The following SLC16A7 variants were observed in gnomAD, a reference collection of about 807,000 sequenced individuals.
SLC16A7 encodes the protein monocarboxylate transporter 2.
Under a neutral mutation model 34.9 loss-of-function variants are expected in SLC16A7, and 33 were observed. The observed-to-expected ratio is 0.94, with a 90% CI of 0.72 to 1.26. The LOEUF is 1.26. Among genes scored for constraint, SLC16A7 ranks in the 50% most tolerant of loss-of-function variants. The probability of loss-of-function intolerance (pLI) is 0.00; values close to 1 mark genes in which losing one functional copy is unlikely to be tolerated. For synonymous variants in SLC16A7, 201 were observed against 206.6 expected (o/e 0.97, Z 0.23); for missense variants, 573 against 578.1 (o/e 0.99, Z 0.09).
chr12:59,597,961 T>C (rs1878502995), intron 1 of SLC16A7, among the ~76,000 whole-genome samples: 1 of 152,248 alleles, frequency 6.6e-6, no homozygotes, highest in African/African-American at 2.4e-5. Flanking sequence ...AAATGCTCAG[T>C]TTATTTCTAG....
intron 2 of SLC16A7, among the ~76,000 whole-genome samples, chr12:59,697,712 G>A (rs141310971): frequency 1.3e-5 from 2 of 149,222 alleles, no homozygotes; most frequent in African/African-American, 4.9e-5. Flanking sequence ...AGAAAAGACT[G>A]TTAAAAAAAA....
intron 5 of SLC16A7, 149 bp from the exon 6 acceptor site, chr12:59,779,274 A>G (rs1883048992): frequency 1.7e-6 from 1 of 584,182 alleles, no homozygotes; most frequent in Non-Finnish European, 2.9e-6. Context: ...CATATGTAGA[A>G]GTCATAATCT....
chr12:59,638,701 CTACAAT>C (rs1202413024), intron 1 of SLC16A7, among the ~76,000 whole-genome samples: 1 of 151,924 alleles, frequency 6.6e-6, no homozygotes, highest in Non-Finnish European at 1.5e-5. Flanking sequence ...CTGTTTTGGC[CTACAAT>C]TAACACAGGA....
intron 2 of SLC16A7, among the ~76,000 whole-genome samples, chr12:59,695,841 T>C (rs1872221696): frequency 6.6e-6 from 1 of 152,072 alleles, no homozygotes; most frequent in African/African-American, 2.4e-5. Flanking sequence ...ATTGGATGGA[T>C]TAGAGATTTA....
At chr12:59,733,777 A>G (rs1272447961) in intron 3 of SLC16A7, 3 of 455,924 alleles carry the variant, frequency 6.6e-6, no homozygotes, top group East Asian at 1.4e-4. Flanking sequence ...CCGGAGAGCG[A>G]GCAAGGCAGA....
intron 3 of SLC16A7, among the ~76,000 whole-genome samples, chr12:59,713,826 C>G (rs969456864): frequency 6.6e-6 from 1 of 152,166 alleles, no homozygotes; most frequent in Non-Finnish European, 1.5e-5. Context: ...TTCACTCATT[C>G]ATTTATTCCA....
intron 3 of SLC16A7, among the ~76,000 whole-genome samples, chr12:59,728,491 T>C (rs1161818491): frequency 2.0e-5 from 3 of 152,148 alleles, no homozygotes; most frequent in African/African-American, 7.2e-5. Flanking sequence ...CTAACAAAAA[T>C]AGTATTGGAG....
intron 3 of SLC16A7, among the ~76,000 whole-genome samples, chr12:59,729,790 C>T (rs74094089): frequency 0.018 from 2,688 of 152,206 alleles, 64 homozygotes; most frequent in African/African-American, 0.06. Flanking sequence ...TGTGGAATGA[C>T]GAGTTCAGGA....
chr12:59,751,208 T>G (rs1258144073), intron 3 of SLC16A7, among the ~76,000 whole-genome samples: 1 of 152,160 alleles, frequency 6.6e-6, no homozygotes, highest in Non-Finnish European at 1.5e-5. Flanking sequence ...CATTTCCATC[T>G]GAGGTACTGG....
chr12:59,695,511 T>G (rs923447190), intron 2 of SLC16A7, among the ~76,000 whole-genome samples: 2 of 152,016 alleles, frequency 1.3e-5, no homozygotes, highest in Admixed American at 6.6e-5. Context: ...TCCTTATGAA[T>G]TTCTCATATC....
chr12:59,634,779 G>C (rs1200696768), intron 1 of SLC16A7, among the ~76,000 whole-genome samples: 1 of 151,982 alleles, frequency 6.6e-6, no homozygotes, highest in Non-Finnish European at 1.5e-5. Context: ...GAGAATTTTT[G>C]TAAATTAAAA....
At chr12:59,751,609 A>C (rs1243983873) in intron 3 of SLC16A7, among the ~76,000 whole-genome samples, 1 of 152,330 alleles carries the variant, frequency 6.6e-6, no homozygotes, top group East Asian at 1.9e-4. Flanking sequence ...GGAAGCTCCA[A>C]CTGGGTGGAG....
intron 3 of SLC16A7, among the ~76,000 whole-genome samples, chr12:59,751,666 C>G (rs1013487469): frequency 2.6e-4 from 40 of 152,246 alleles, no homozygotes; most frequent in African/African-American, 9.6e-4. Flanking sequence ...GGCTCCACCT[C>G]TGGGAGCAGG....
At chr12:59,626,416 G>A (rs948209691) in intron 1 of SLC16A7, among the ~76,000 whole-genome samples, 4 of 151,650 alleles carry the variant, frequency 2.6e-5, no homozygotes, top group African/African-American at 7.3e-5. Context: ...AATTTGTATG[G>A]TCCTTTACAA....
chr12:59,676,496 T>G (rs551835058), intron 2 of SLC16A7, among the ~76,000 whole-genome samples: 25 of 152,214 alleles, frequency 1.6e-4, no homozygotes, highest in South Asian at 6.2e-4. Flanking sequence ...AATAATGGAT[T>G]TTTTTAACCA....
intron 2 of SLC16A7, among the ~76,000 whole-genome samples, chr12:59,671,194 T>G (rs534318197): frequency 4.7e-4 from 72 of 152,284 alleles, no homozygotes; most frequent in Non-Finnish European, 9.6e-4. Flanking sequence ...TGATATCATT[T>G]TACAAGTTAC....
intron 1 of SLC16A7, among the ~76,000 whole-genome samples, chr12:59,617,399 T>G (rs1879502621): frequency 6.6e-6 from 1 of 152,048 alleles, no homozygotes; most frequent in Non-Finnish European, 1.5e-5. Flanking sequence ...GCCATTTTTG[T>G]AGAAGATTTT....
intron 2 of SLC16A7, among the ~76,000 whole-genome samples, chr12:59,667,887 C>T (rs1409542224): frequency 6.6e-6 from 1 of 152,188 alleles, no homozygotes; most frequent in African/African-American, 2.4e-5. Flanking sequence ...GGACTTGGTA[C>T]CCTGCATCCC....
chr12:59,736,762 A>G (rs946366648), intron 3 of SLC16A7, among the ~76,000 whole-genome samples: 1 of 152,200 alleles, frequency 6.6e-6, no homozygotes, highest in Admixed American at 6.5e-5. Context: ...TTGTTACTAA[A>G]CAAGTCCTGA....
Sources: gnomAD v4.1 joint callset for allele counts (sites outside exome capture counted in the v4.1 genomes callset) on GRCh38, gnomAD v4.1.1 for gene constraint, MANE v1.5 for transcripts, NCBI Gene and HGNC (gene_info 2026-07-23, HGNC 2026-07-21) for gene names.